NTM: variants seen among roughly 807,000 people sequenced by gnomAD.
NTM encodes the protein IgLON family member 2.
In NTM, 13 loss-of-function variants were observed where a neutral mutation model predicts 42.1. The observed-to-expected ratio is 0.31, with a 90% CI of 0.20 to 0.49. The LOEUF (loss-of-function observed/expected upper bound fraction) is 0.49. Among genes scored for constraint, NTM ranks in the 20% least tolerant of loss-of-function variants. NTM has a pLI of 0.99. For synonymous variants in NTM, 187 were observed against 179.2 expected (o/e 1.04, Z -0.35); for missense variants, 373 against 452.8 (o/e 0.82, Z 1.60).
At chr11:131,444,821 G>C (rs57695129) in intron 1 of NTM, among the ~76,000 whole-genome samples, 2,665 of 152,282 alleles carry the variant, frequency 0.018, 66 homozygotes, top group African/African-American at 0.058. Context: ...TAAGACTGGA[G>C]AGAAGATGTA....
At chr11:132,182,946 C>T (rs2077802026) in intron 3 of NTM, among the ~76,000 whole-genome samples, 2 of 152,126 alleles carry the variant, frequency 1.3e-5, no homozygotes, top group Non-Finnish European at 2.9e-5. Flanking sequence ...CCTTTGCTGC[C>T]TTGGAATTCA....
intron 4 of NTM, among the ~76,000 whole-genome samples, chr11:132,251,854 C>T (rs2091971348): frequency 6.6e-6 from 1 of 152,180 alleles, no homozygotes; most frequent in Non-Finnish European, 1.5e-5. Context: ...GGCCAAAGGG[C>T]AAATGTAGGG....
intron 1 of NTM, among the ~76,000 whole-genome samples, chr11:131,583,234 G>A (rs2058572378): frequency 6.6e-6 from 1 of 152,168 alleles, no homozygotes; most frequent in South Asian, 2.1e-4. Flanking sequence ...GAGTAGAGAA[G>A]CCTCTCTGCA....
intron 2 of NTM, among the ~76,000 whole-genome samples, chr11:132,092,936 A>C (rs2060538550): frequency 1.3e-5 from 2 of 152,190 alleles, no homozygotes; most frequent in Admixed American, 1.3e-4. Flanking sequence ...CATTGGGATT[A>C]TTATGGCAAC....
intron 1 of NTM, among the ~76,000 whole-genome samples, chr11:131,418,949 G>A (rs576496583): frequency 3.3e-5 from 5 of 152,202 alleles, no homozygotes; most frequent in African/African-American, 7.2e-5. Context: ...TGCCAAGTGG[G>A]GAGAGATAAT....
chr11:131,713,474 C>T (rs1349019227), intron 1 of NTM, among the ~76,000 whole-genome samples: 2 of 152,128 alleles, frequency 1.3e-5, no homozygotes, highest in African/African-American at 4.8e-5. Context: ...GTGTCCTAAG[C>T]GATTTTCTTA....
intron 1 of NTM, among the ~76,000 whole-genome samples, chr11:131,421,602 G>A (rs561348909): frequency 2.6e-5 from 4 of 152,324 alleles, no homozygotes; most frequent in African/African-American, 7.2e-5. Flanking sequence ...GGCCCATGGA[G>A]GAGATGACGG....
chr11:132,204,642 G>A (rs1452015136), intron 3 of NTM, among the ~76,000 whole-genome samples: 1 of 152,172 alleles, frequency 6.6e-6, no homozygotes, highest in African/African-American at 2.4e-5. Context: ...AGGACAGGTG[G>A]CCAGCAGGGT....
chr11:132,224,403 T>C (rs2085776338), intron 4 of NTM, among the ~76,000 whole-genome samples: 1 of 151,578 alleles, frequency 6.6e-6, no homozygotes, highest in African/African-American at 2.4e-5. Context: ...AAGGGGGAAA[T>C]TCTTTTCTCT....
intron 1 of NTM, among the ~76,000 whole-genome samples, chr11:131,621,283 G>T (rs1345072381): frequency 6.6e-6 from 1 of 152,154 alleles, no homozygotes; most frequent in Non-Finnish European, 1.5e-5. Context: ...AATAGAAAAA[G>T]CCAAATGTAC....
chr11:131,563,497 G>A (rs2056486776), intron 1 of NTM, among the ~76,000 whole-genome samples: 1 of 151,564 alleles, frequency 6.6e-6, no homozygotes, highest in Admixed American at 6.6e-5. Flanking sequence ...CTTCCCACCG[G>A]GTGATGGGTG....
chr11:132,127,409 G>A (rs537130896), intron 2 of NTM, among the ~76,000 whole-genome samples: 1 of 152,350 alleles, frequency 6.6e-6, no homozygotes, highest in South Asian at 2.1e-4. Context: ...GATCTGCAGT[G>A]TGGGATTCCA....
At chr11:132,149,956 A>T (rs1239564632) in intron 3 of NTM, among the ~76,000 whole-genome samples, 18 of 152,318 alleles carry the variant, frequency 1.2e-4, no homozygotes, top group Non-Finnish European at 1.9e-4. Flanking sequence ...ATGCAAGACT[A>T]CTGTTCCCTT....
chr11:131,410,517 C>CAAAAAAA (rs1161389222), intron 1 of NTM, among the ~76,000 whole-genome samples: 2 of 32,752 alleles, frequency 6.1e-5, no homozygotes, highest in Non-Finnish European at 1.0e-4. Context: ...AAACAATAAC[C>CAAAAAAA]AAAAAAAAAA....
chr11:132,031,196 C>T (rs2075873571), intron 2 of NTM, among the ~76,000 whole-genome samples: 1 of 152,226 alleles, frequency 6.6e-6, no homozygotes. Flanking sequence ...CAATCTACCA[C>T]ACAAACCAGA....
rs1200055729 is a variant in NTM, at chr11:132,079,542, T to C, written c.168-66740T>C. Among the ~76,000 whole-genome samples, 3 of 152,326 alleles carry C rather than the reference T, an allele frequency of 2.0e-5. No individual in the cohort carries two copies. The East Asian group carries it at 5.8e-4, about 29-fold the overall frequency. On this transcript the variant is annotated intron_variant, in intron 2 of 8. Transcript: ENST00000683400. ...AGTCCCTATCTCCTGGTGCAGCCAT[T>C]TTTATTGGTAACTTGGAGTTTTCCA...
chr11:131,743,042 C>A (rs557220840), intron 1 of NTM, among the ~76,000 whole-genome samples: 1 of 152,130 alleles, frequency 6.6e-6, no homozygotes, highest in Admixed American at 6.5e-5. Context: ...TTGTTCAGTT[C>A]AATTATTGCA....
intron 1 of NTM, among the ~76,000 whole-genome samples, chr11:131,529,629 C>G (rs1307587533): frequency 6.6e-6 from 1 of 151,980 alleles, no homozygotes; most frequent in South Asian, 2.1e-4. Context: ...CAAGGCTGCT[C>G]GGTGCATGTG....
At chr11:131,884,282 G>A (rs1050822485) in intron 1 of NTM, among the ~76,000 whole-genome samples, 1 of 152,120 alleles carries the variant, frequency 6.6e-6, no homozygotes, top group Non-Finnish European at 1.5e-5. Flanking sequence ...GGTGGTGCAT[G>A]CCTGTAATCC....
Sources: allele counts gnomAD v4.1 joint callset (sites outside exome capture counted in the v4.1 genomes callset), GRCh38; gene constraint gnomAD v4.1.1; transcripts MANE v1.5; gene names NCBI Gene and HGNC (gene_info 2026-07-23, HGNC 2026-07-21).